The following FUT8 variants were observed in gnomAD, a reference collection of about 807,000 sequenced individuals.
The protein encoded by FUT8 is alpha-(1,6)-fucosyltransferase.
In FUT8, 29 loss-of-function variants were observed where a neutral mutation model predicts 71.3. The ratio of observed to expected loss-of-function variants is 0.41; its 90% CI spans 0.30 to 0.55. FUT8 has a LOEUF of 0.55. FUT8 is among the 20% of genes least tolerant of loss of function. The probability of loss-of-function intolerance (pLI) is 0.34; values close to 1 mark genes in which losing one functional copy is unlikely to be tolerated. For missense variants in FUT8, 544 were observed against 702.1 expected (o/e 0.77, Z 2.55); for synonymous variants, 254 against 239.3 (o/e 1.06, Z -0.57).
chr14:65,555,832 T>C (rs1274563348), intron 2 of FUT8, among the ~76,000 whole-genome samples: 1 of 152,254 alleles, frequency 6.6e-6, no homozygotes, highest in Non-Finnish European at 1.5e-5. Flanking sequence ...GATGGAACTC[T>C]GTTTAGCAGC....
At chr14:65,710,466 T>G (rs542854435) in intron 7 of FUT8, among the ~76,000 whole-genome samples, 7 of 152,326 alleles carry the variant, frequency 4.6e-5, no homozygotes, top group African/African-American at 1.4e-4. Context: ...TTTTGAAATA[T>G]GTTGTTATTG....
At chr14:65,417,455 A>C (rs1443716130) in intron 1 of FUT8, among the ~76,000 whole-genome samples, 1 of 152,212 alleles carries the variant, frequency 6.6e-6, no homozygotes, top group African/African-American at 2.4e-5. Flanking sequence ...CATAAAACCC[A>C]TATAAACTTT....
In FUT8 at chr14:65,413,647, C is replaced by G. The variant is rs76583746; in HGVS notation, c.-326+433C>G. Among the ~76,000 whole-genome samples, 2 of 152,148 alleles carry G rather than the reference C, an allele frequency of 1.3e-5. No individual in the cohort carries two copies. Among genetic ancestry groups the G allele is most frequent in the Admixed American group, 1.3e-4 (2 of 15,274 alleles). The stretch of plus-strand genomic sequence containing the variant: ...CGCGGTTTGTGGGGAGGAAGATGCC[C>G]GTGCGTTATGGGCTCTTTCTGAGTG... On this transcript the variant is annotated intron_variant, in intron 1 of 10. Coordinates refer to ENST00000673929, the MANE Select transcript of FUT8 (RefSeq NM_001371533.1). The surrounding 1 kb of genome is among the most constrained non-coding windows in gnomAD (Gnocchi z 4.1).
At chr14:65,508,904 C>T (rs1882146657) in intron 2 of FUT8, among the ~76,000 whole-genome samples, 2 of 152,058 alleles carry the variant, frequency 1.3e-5, no homozygotes, top group East Asian at 1.9e-4. Flanking sequence ...GTTTACTTTG[C>T]TGTGGAGAAG....
intron 1 of FUT8, among the ~76,000 whole-genome samples, chr14:65,445,391 C>T (rs541880942): frequency 3.0e-4 from 45 of 152,240 alleles, no homozygotes; most frequent in African/African-American, 8.2e-4. Flanking sequence ...AAACAAATTT[C>T]TGTTGTTTAT....
At chr14:65,597,284 G>A (rs1177950162) in intron 3 of FUT8, among the ~76,000 whole-genome samples, 1 of 152,016 alleles carries the variant, frequency 6.6e-6, no homozygotes, top group African/African-American at 2.4e-5. Context: ...ATTTTAAAAG[G>A]CGCTGATTTG....
At chr14:65,675,513 C>T (rs576046936) in intron 7 of FUT8, among the ~76,000 whole-genome samples, 5 of 152,244 alleles carry the variant, frequency 3.3e-5, no homozygotes, top group East Asian at 1.9e-4. Flanking sequence ...ATGAATTTAC[C>T]TTCCTCTGCT....
At chr14:65,602,754 C>G (rs963238777) in intron 3 of FUT8, among the ~76,000 whole-genome samples, 6 of 151,860 alleles carry the variant, frequency 4.0e-5, no homozygotes, top group Admixed American at 2.6e-4. Flanking sequence ...TTTTGATTTG[C>G]ATATCCCTGA....
At chr14:65,585,323 G>A (rs78865079) in intron 3 of FUT8, among the ~76,000 whole-genome samples, 2,432 of 152,198 alleles carry the variant, frequency 0.016, 62 homozygotes, top group African/African-American at 0.055. Context: ...AGCAGCTGGA[G>A]GACAGGCATT....
intron 2 of FUT8, among the ~76,000 whole-genome samples, chr14:65,554,314 A>C (rs187894511): frequency 6.6e-6 from 1 of 150,812 alleles, no homozygotes; most frequent in East Asian, 1.9e-4. Flanking sequence ...AATTACAATT[A>C]TTCTCTTTTC....
chr14:65,480,830 GC>G (rs2066319879), intron 2 of FUT8, among the ~76,000 whole-genome samples: 1 of 151,922 alleles, frequency 6.6e-6, no homozygotes, highest in Non-Finnish European at 1.5e-5. Context: ...GGGACTACAG[GC>G]GTGTACCACC....
intron 2 of FUT8, among the ~76,000 whole-genome samples, chr14:65,481,568 C>T (rs556313754): frequency 6.6e-6 from 1 of 152,212 alleles, no homozygotes; most frequent in South Asian, 2.1e-4. Context: ...TACTCATTAC[C>T]TCCACAGATT....
chr14:65,491,180 G>C (rs763340744), intron 2 of FUT8, among the ~76,000 whole-genome samples: 1 of 152,062 alleles, frequency 6.6e-6, no homozygotes, highest in African/African-American at 2.4e-5. Flanking sequence ...TCAATGATTA[G>C]GGTAAATAAA....
chr14:65,562,665 C>T (rs1031338203), intron 3 of FUT8, among the ~76,000 whole-genome samples: 2 of 151,664 alleles, frequency 1.3e-5, no homozygotes, highest in African/African-American at 2.4e-5. Flanking sequence ...AGAATCCTTA[C>T]TCCAGAGGTG....
At chr14:65,378,661 C>T in the FUT8 span, among the ~76,000 whole-genome samples, 6 of 152,110 alleles carry the variant, frequency 3.9e-5, no homozygotes, top group East Asian at 1.9e-4. Flanking sequence ...AATACTCCCT[C>T]ATTTTCCGAT....
intron 2 of FUT8, among the ~76,000 whole-genome samples, chr14:65,519,762 T>G (rs1882960227): frequency 6.6e-6 from 1 of 152,180 alleles, no homozygotes; most frequent in African/African-American, 2.4e-5. Context: ...CTTTAATGTT[T>G]ATTATTTATT....
chr14:65,482,427 TACATG>T (rs1388711345), intron 2 of FUT8, among the ~76,000 whole-genome samples: 1 of 152,134 alleles, frequency 6.6e-6, no homozygotes, highest in East Asian at 1.9e-4. Flanking sequence ...AAATTCCTCT[TACATG>T]ACAAGAAGAA....
intron 6 of FUT8, among the ~76,000 whole-genome samples, chr14:65,630,067 GTAAC>G (rs1404956671): frequency 6.6e-6 from 1 of 152,098 alleles, no homozygotes; most frequent in Non-Finnish European, 1.5e-5. Context: ...GCAGTGGCTC[GTAAC>G]TGGGAAAGAA....
At chr14:65,363,575 A>T in the FUT8 span, among the ~76,000 whole-genome samples, 1 of 152,254 alleles carries the variant, frequency 6.6e-6, no homozygotes, top group Non-Finnish European at 1.5e-5. Flanking sequence ...CTTTCTGCCC[A>T]TTTCCTGAAG....
Sources: allele counts gnomAD v4.1 joint callset (sites outside exome capture counted in the v4.1 genomes callset), GRCh38; gene constraint gnomAD v4.1.1; non-coding constraint Gnocchi (gnomAD v3.1); transcripts MANE v1.5; gene names NCBI Gene and HGNC (gene_info 2026-07-23, HGNC 2026-07-21).